The following OAS1 variants were observed in gnomAD, a reference collection of about 807,000 sequenced individuals.
OAS1 encodes the protein 2'-5'-oligoadenylate synthetase 1.
In OAS1, 24 loss-of-function variants were observed where a neutral mutation model predicts 38.5. The observed-to-expected ratio is 0.62, with a 90% CI of 0.45 to 0.88. The LOEUF (loss-of-function observed/expected upper bound fraction) is 0.88. Among genes scored for constraint, OAS1 ranks in the 40% least tolerant of loss-of-function variants. OAS1 has a pLI of 0.00. For synonymous variants in OAS1, 169 were observed against 193.9 expected, an observed-to-expected ratio of 0.87 and a Z score of 1.07; for missense variants, 482 against 493.9, an observed-to-expected ratio of 0.98 and a Z score of 0.23.
intron 6 of OAS1, among the ~76,000 whole-genome samples, chr12:112,930,436 T>C (rs2043590558): frequency 6.6e-6 from 1 of 152,214 alleles, no homozygotes; most frequent in African/African-American, 2.4e-5. Flanking sequence ...CCCACCTTTG[T>C]TAGGCCCCAG....
chr12:112,930,407 G>A (rs1360327174), intron 6 of OAS1, among the ~76,000 whole-genome samples: 1 of 152,248 alleles, frequency 6.6e-6, no homozygotes, highest in African/African-American at 2.4e-5. Context: ...ACTGATAAAG[G>A]ACAGATGTGG....
downstream of OAS1, among the ~76,000 whole-genome samples, chr12:112,920,157 C>T (rs1257253043): frequency 2.0e-5 from 3 of 152,224 alleles, no homozygotes. Context: ...ATGGAGTTGA[C>T]ATTTGTGCAA....
At chr12:112,931,791 G>A (rs1209194599) in intron 6 of OAS1, 7 of 576,584 alleles carry the variant, frequency 1.2e-5, no homozygotes, top group Non-Finnish European at 2.1e-5. Flanking sequence ...GAGTGGAGAT[G>A]CTTCTATAGG....
chr12:112,914,230 C>A (rs1161853798), intron 3 of OAS1, among the ~76,000 whole-genome samples: 1 of 152,180 alleles, frequency 6.6e-6, no homozygotes, highest in Non-Finnish European at 1.5e-5. Context: ...ATAATAGTAT[C>A]CAATTCCATC....
chr12:112,914,032 C>CATCA lies in OAS1; in HGVS notation c.655-2476_655-2473dup, dbSNP rs561342635. On this transcript the variant is annotated intron_variant, in intron 3 of 5. Transcript: ENST00000202917. Reference sequence around the variant, plus strand: ...TCTTTAGTGGTGATTTTGGTGCACCCATCACCCAAACAGTGTACATTGTAC... The same window carrying CATCA: ...TCTTTAGTGGTGATTTTGGTGCACCCATCAATCACCCAAACAGTGTACATTGTAC... Among the ~76,000 whole-genome samples, 19 of 152,158 alleles carry CATCA rather than the reference C, an allele frequency of 1.2e-4. No individual in the cohort carries two copies. In the South Asian group the frequency reaches 3.9e-3, roughly 32 times the overall value.
chr12:112,913,918 CAG>C (rs1412569129), intron 3 of OAS1, among the ~76,000 whole-genome samples: 2 of 152,124 alleles, frequency 1.3e-5, no homozygotes, highest in East Asian at 3.8e-4. Context: ...CCACTGATCA[CAG>C]AGAGAGGACT....
chr12:112,928,584 G>C (rs1408672413), intron 6 of OAS1, among the ~76,000 whole-genome samples: 2 of 152,202 alleles, frequency 1.3e-5, no homozygotes, highest in African/African-American at 4.8e-5. Flanking sequence ...TGCATTTAAG[G>C]CTGTTCTGTG....
Position 112,916,445 on chromosome 12 carries a change from G to A in OAS1, c.655-64G>A. On this transcript the variant is annotated intron_variant, in intron 3 of 5. Transcript: ENST00000202917. The stretch of plus-strand genomic sequence containing the variant: ...GTGGCAGGCTGGATTTGGCCCATGA[G>A]AAGTGTAGTTTACACAAAAGTTGAG... 4.0e-6 allele frequency: 5 copies of A among 1,257,536 alleles called. 1 individual carries two copies. The highest frequency in any genetic ancestry group is 5.8e-6 in the Non-Finnish European group (5 of 863,274). The allele number at this position is 1,257,536 out of a possible 1,614,324, so 77.9% of individuals were successfully genotyped here. A position where few individuals can be genotyped will look rare whatever the true frequency, so the allele number is the denominator to read the frequency against.
intron 2 of OAS1, among the ~76,000 whole-genome samples, 160 bp from the exon 3 acceptor site, chr12:112,910,891 G>C (rs2043367307): frequency 6.6e-6 from 1 of 152,072 alleles, no homozygotes; most frequent in Non-Finnish European, 1.5e-5. Context: ...GCAGTGGAGA[G>C]GGCAGGAGGG....
At chr12:112,930,403 A>C (rs2043590426) in intron 6 of OAS1, among the ~76,000 whole-genome samples, 2 of 152,246 alleles carry the variant, frequency 1.3e-5, no homozygotes, top group Non-Finnish European at 2.9e-5. Flanking sequence ...CACCACTGAT[A>C]AAGGACAGAT....
chr12:112,919,427 C>T lies in OAS1; in HGVS notation c.1077C>T (p.Pro359=), dbSNP rs1186145791. 3.1e-6 allele frequency: 5 copies of T among 1,614,092 alleles called. No individual in the cohort carries two copies. The highest frequency in any genetic ancestry group is 4.2e-6 in the Non-Finnish European group (5 of 1,179,962). ...GTGCAGACGATGAGACCGACGATCC[C>T]AGGAGGTATCAGAAATATGGTTACA... ...SNSADDETDD[P]RRYQKYGYIG... The change falls in exon 6 of 6, where the codon CCC becomes CCT. Residue 359 remains proline, a synonymous_variant. Coordinates refer to ENST00000202917, the MANE Select transcript of OAS1 (RefSeq NM_016816.4).
downstream of OAS1, among the ~76,000 whole-genome samples, chr12:112,922,586 G>T (rs2136330252): frequency 6.6e-6 from 1 of 152,182 alleles, no homozygotes; most frequent in Non-Finnish European, 1.5e-5. Flanking sequence ...CTCTGTAACA[G>T]CCCCTCTTCC....
At chr12:112,924,964 G>A (rs1188467657) in intron 6 of OAS1, among the ~76,000 whole-genome samples, 1 of 152,266 alleles carries the variant, frequency 6.6e-6, no homozygotes, top group East Asian at 1.9e-4. Context: ...GTAAGGACGA[G>A]GGAAACTATG....
chr12:112,916,562 G>A lies in OAS1; in HGVS notation c.708G>A (p.Thr236=), dbSNP rs780504564. The A allele has an allele frequency of 1.5e-5, 25 of 1,613,946 alleles. 1 individual carries two copies. The highest frequency in any genetic ancestry group is 1.3e-4 in the South Asian group (12 of 91,078). The part of the protein sequence containing the change: ...LPPQYALELL[T]VYAWERGSMK... ...CTCAGTATGCCCTGGAGCTCCTGAC[G>A]GTCTATGCTTGGGAGCGAGGGAGCA... Residue 236 remains threonine (T), a synonymous_variant, in exon 4 of 6, where the codon ACG becomes ACA. Coordinates refer to ENST00000202917, the MANE Select transcript of OAS1 (RefSeq NM_016816.4).
intron 5 of OAS1, 196 bp downstream of exon 5, chr12:112,917,896 C>T: frequency 6.8e-7 from 1 of 1,464,772 alleles, no homozygotes; most frequent in South Asian, 1.4e-5. Context: ...TTTCACATCC[C>T]TTGTCCAGAA....
chr12:112,916,442 T>G, intron 3 of OAS1, 67 bp from the exon 4 acceptor site: 4 of 1,224,190 alleles, frequency 3.3e-6, no homozygotes, highest in Non-Finnish European at 4.8e-6. Context: ...ATTTGGCCCA[T>G]GAGAAGTGTA....
intron 6 of OAS1, among the ~76,000 whole-genome samples, chr12:112,930,933 C>G (rs1442935835): frequency 6.6e-6 from 1 of 152,170 alleles, no homozygotes; most frequent in Non-Finnish European, 1.5e-5. Flanking sequence ...TAGCTGGCTG[C>G]TGATCAACAT....
intron 3 of OAS1, among the ~76,000 whole-genome samples, chr12:112,916,275 G>A (rs1565962681): frequency 6.6e-6 from 1 of 152,094 alleles, no homozygotes; most frequent in Admixed American, 6.5e-5. Flanking sequence ...AAAATAAAAG[G>A]CTAGATAGTA....
chr12:112,913,368 A>G (rs1438811026), intron 3 of OAS1, among the ~76,000 whole-genome samples: 1 of 152,216 alleles, frequency 6.6e-6, no homozygotes, highest in Non-Finnish European at 1.5e-5. Flanking sequence ...GATTCCGTTA[A>G]GATTCCTGAA....
Sources: gnomAD v4.1 joint callset for allele counts (sites outside exome capture counted in the v4.1 genomes callset) on GRCh38, gnomAD v4.1.1 for gene constraint, MANE v1.5 for transcripts, NCBI Gene and HGNC (gene_info 2026-07-23, HGNC 2026-07-21) for gene names.